Variants in AMBRA1 observed in about 807,000 individuals in gnomAD.
AMBRA1 encodes the protein activating molecule in BECN1-regulated autophagy protein 1.
A neutral mutation model predicts 125.4 loss-of-function variants in AMBRA1; 47 were observed. The observed-to-expected ratio is 0.37, with a 90% CI of 0.30 to 0.48. AMBRA1 has a LOEUF of 0.48. AMBRA1 is among the 20% of genes least tolerant of loss of function. The pLI, the probability that AMBRA1 is intolerant of heterozygous loss-of-function variation, is 0.99. For missense variants in AMBRA1, 1,331 were observed against 1,693.4 expected (o/e 0.79, Z 3.76); for synonymous variants, 626 against 655.5 (o/e 0.95, Z 0.69).
intron 12 of AMBRA1, among the ~76,000 whole-genome samples, chr11:46,441,967 A>C (rs1332358851): frequency 7.3e-5 from 11 of 150,236 alleles, no homozygotes; most frequent in Admixed American, 4.0e-4. Context: ...AAAAAAAAAA[A>C]AACTTTTTTT....
At chr11:46,527,013 G>C (rs1216486490) in intron 7 of AMBRA1, among the ~76,000 whole-genome samples, 1 of 152,126 alleles carries the variant, frequency 6.6e-6, no homozygotes. Flanking sequence ...AAAGCATAAG[G>C]CCCCTGTATT....
intron 1 of AMBRA1, among the ~76,000 whole-genome samples, chr11:46,583,559 C>T (rs1260755009): frequency 7.9e-6 from 1 of 126,768 alleles, no homozygotes; most frequent in South Asian, 2.6e-4. Flanking sequence ...TCAGAGTGAA[C>T]AGGCAACCTA....
intron 14 of AMBRA1, among the ~76,000 whole-genome samples, chr11:46,426,851 C>T (rs1947160359): frequency 6.6e-6 from 1 of 152,144 alleles, no homozygotes; most frequent in Non-Finnish European, 1.5e-5. Flanking sequence ...GACAACAAAG[C>T]CATCTGTCTT....
At chr11:46,482,487 G>T (rs1950108745) in intron 11 of AMBRA1, among the ~76,000 whole-genome samples, 1 of 152,162 alleles carries the variant, frequency 6.6e-6, no homozygotes, top group Admixed American at 6.5e-5. Context: ...GGTAGATTCT[G>T]GAGACAACTC....
Position 46,555,540 on chromosome 11 carries a change from G to T in AMBRA1, c.-120-7040C>A, listed in dbSNP as rs1049522407. Among the ~76,000 whole-genome samples, 22 of 152,190 alleles carry T rather than the reference G, an allele frequency of 1.4e-4. 1 individual carries two copies. Among genetic ancestry groups the T allele is most frequent in the Middle Eastern group, 6.8e-3 (2 of 294 alleles). ...TGAATCCTCTCTGAGGTTCACTATGGTTTCCCTCACCAAACAATAGGGCCA... is the reference window on the plus strand; with the variant it reads ...TGAATCCTCTCTGAGGTTCACTATGTTTTCCCTCACCAAACAATAGGGCCA... On this transcript the variant is annotated intron_variant, in intron 1 of 17. Transcript: ENST00000683756.
intron 11 of AMBRA1, among the ~76,000 whole-genome samples, chr11:46,451,135 CT>C (rs1327726183): frequency 6.6e-6 from 1 of 152,276 alleles, no homozygotes; most frequent in South Asian, 2.1e-4. Context: ...ACAGAAATTC[CT>C]TTCATTGAGG....
intron 9 of AMBRA1, among the ~76,000 whole-genome samples, chr11:46,501,414 TGCACCCTGA>T (rs1185568676): frequency 6.6e-6 from 1 of 152,222 alleles, no homozygotes; most frequent in East Asian, 1.9e-4. Flanking sequence ...GTTCTCCCTG[TGCACCCTGA>T]GCTGCCAGGA....
intron 1 of AMBRA1, among the ~76,000 whole-genome samples, chr11:46,550,669 G>A (rs543693766): frequency 2.2e-4 from 34 of 152,198 alleles, no homozygotes; most frequent in African/African-American, 7.9e-4. Flanking sequence ...AAAAATTGGT[G>A]CAGAGTAGTT....
chr11:46,456,939 G>A (rs950264536), intron 11 of AMBRA1, among the ~76,000 whole-genome samples: 13 of 152,134 alleles, frequency 8.5e-5, no homozygotes, highest in African/African-American at 3.1e-4. Flanking sequence ...TGACAAGAGA[G>A]TTAAAGCAAG....
At chr11:46,398,953 T>C (rs1945585190) in intron 17 of AMBRA1, among the ~76,000 whole-genome samples, 4 of 151,876 alleles carry the variant, frequency 2.6e-5, no homozygotes, top group Admixed American at 2.0e-4. Flanking sequence ...TTTGTATTTT[T>C]AGTAGAGATG....
At chr11:46,562,584 G>A (rs2043373926) in intron 1 of AMBRA1, among the ~76,000 whole-genome samples, 1 of 152,106 alleles carries the variant, frequency 6.6e-6, no homozygotes, top group Admixed American at 6.6e-5. Flanking sequence ...CCTAAGTTTT[G>A]GGCCTAAGTC....
At chr11:46,530,593 T>C (rs1371539916) in intron 7 of AMBRA1, 3 of 152,232 alleles carry the variant, frequency 2.0e-5, no homozygotes, top group Non-Finnish European at 2.9e-5. Flanking sequence ...TTAGAGCATC[T>C]AGTCCAAACT....
chr11:46,396,967 AG>A lies in AMBRA1; in HGVS notation c.*482del, dbSNP rs1945490148. 6.5e-6 allele frequency: 1 copy of A among 153,550 alleles called. No homozygotes were observed. Among genetic ancestry groups the A allele is most frequent in the African/African-American group, 2.4e-5 (1 of 41,468 alleles). 9.5% of individuals were successfully genotyped at this position (153,550 alleles called of 1,614,324 possible). A position where few individuals can be genotyped will look rare whatever the true frequency, so the allele number is the denominator to read the frequency against. On this transcript the variant is annotated 3_prime_UTR_variant, in exon 18 of 18. Coordinates refer to ENST00000683756, the MANE Select transcript of AMBRA1 (RefSeq NM_001387011.1). Reference sequence around the variant, plus strand: ...TTCAGTGGGGTAAGACGACGAAGAGAGGCTGAAGCTCTGGAAGGCTCAGAGT... The same window carrying A: ...TTCAGTGGGGTAAGACGACGAAGAGAGCTGAAGCTCTGGAAGGCTCAGAGT...
chr11:46,479,867 G>T (rs1949987748), intron 11 of AMBRA1, among the ~76,000 whole-genome samples: 2 of 152,152 alleles, frequency 1.3e-5, no homozygotes, highest in Admixed American at 1.3e-4. Context: ...CAGAAACTTA[G>T]TGGCTTAAAC....
At chr11:46,405,898 AT>A (rs1945989902) in intron 17 of AMBRA1, among the ~76,000 whole-genome samples, 1 of 150,820 alleles carries the variant, frequency 6.6e-6, no homozygotes. Flanking sequence ...TGCTCGGCTA[AT>A]TTTTTGTATA....
chr11:46,497,755 A>G (rs566766059), intron 9 of AMBRA1, among the ~76,000 whole-genome samples: 44 of 152,346 alleles, frequency 2.9e-4, no homozygotes, highest in African/African-American at 1.0e-3. Flanking sequence ...AAAGGCCATC[A>G]GTTTTAGTAC....
chr11:46,444,613 T>TA (rs1276711178), intron 11 of AMBRA1, among the ~76,000 whole-genome samples: 20 of 152,214 alleles, frequency 1.3e-4, no homozygotes, highest in South Asian at 2.1e-4. Flanking sequence ...CTGAACTTGT[T>TA]AGAGTTTACC....
intron 11 of AMBRA1, among the ~76,000 whole-genome samples, chr11:46,447,870 A>G (rs1292802143): frequency 6.6e-6 from 1 of 152,228 alleles, no homozygotes; most frequent in Non-Finnish European, 1.5e-5. Flanking sequence ...CTACAGTTAC[A>G]GCCTGGGTGA....
chr11:46,488,741 A>C (rs530914477), intron 11 of AMBRA1, among the ~76,000 whole-genome samples: 1 of 152,306 alleles, frequency 6.6e-6, no homozygotes, highest in South Asian at 2.1e-4. Flanking sequence ...AAAATGAATA[A>C]AATCACACAA....
Sources: gnomAD v4.1 joint callset for allele counts (sites outside exome capture counted in the v4.1 genomes callset) on GRCh38, gnomAD v4.1.1 for gene constraint, MANE v1.5 for transcripts, NCBI Gene and HGNC (gene_info 2026-07-23, HGNC 2026-07-21) for gene names.